Variants in CFAP299 observed in about 807,000 individuals in gnomAD.
The protein encoded by CFAP299 is cilia and flagella associated protein 299.
A neutral mutation model predicts 27.0 loss-of-function variants in CFAP299; 21 were observed. The observed-to-expected ratio is 0.78, with a 90% CI of 0.55 to 1.12. The LOEUF (loss-of-function observed/expected upper bound fraction) is 1.12, where lower values mean the gene tolerates loss of function less well. Ranked by LOEUF, CFAP299 falls within the 50% of genes most tolerant of loss-of-function variation. The pLI is 0.00. For missense variants in CFAP299, 310 were observed against 276.6 expected (o/e 1.12, Z -0.86); for synonymous variants, 104 against 98.1 (o/e 1.06, Z -0.36).
chr4:80,806,137 C>T (rs1009043161), intron 3 of CFAP299, among the ~76,000 whole-genome samples: 1 of 151,938 alleles, frequency 6.6e-6, no homozygotes, highest in African/African-American at 2.4e-5. Context: ...AATATTCATC[C>T]CGATTAATTT....
chr4:80,838,559 G>T (rs1446442695), intron 3 of CFAP299, among the ~76,000 whole-genome samples: 4 of 152,088 alleles, frequency 2.6e-5, no homozygotes, highest in Non-Finnish European at 4.4e-5. Flanking sequence ...GTTTGTCAAA[G>T]ATTAGATGGT....
intron 2 of CFAP299, among the ~76,000 whole-genome samples, chr4:80,426,366 A>T (rs955592074): frequency 6.6e-6 from 1 of 152,130 alleles, no homozygotes; most frequent in East Asian, 1.9e-4. Context: ...GATAGTTTTT[A>T]TATTGGAATA....
chr4:80,609,179 T>TA (rs1029560895), intron 3 of CFAP299, among the ~76,000 whole-genome samples: 1 of 151,968 alleles, frequency 6.6e-6, no homozygotes, highest in African/African-American at 2.4e-5. Flanking sequence ...TAAAATGCTT[T>TA]AAAAAAATAA....
intron 2 of CFAP299, among the ~76,000 whole-genome samples, chr4:80,471,619 C>CG (rs1560582430): frequency 4.0e-5 from 1 of 24,756 alleles, no homozygotes; most frequent in Admixed American, 5.5e-4. Flanking sequence ...AGCAGGGTGG[C>CG]GGGGGGTGGG....
chr4:80,533,238 G>C (rs1733561335), intron 2 of CFAP299, among the ~76,000 whole-genome samples: 1 of 152,188 alleles, frequency 6.6e-6, no homozygotes, highest in Non-Finnish European at 1.5e-5. Flanking sequence ...AATTTCATTT[G>C]CATAATAGTA....
intron 2 of CFAP299, chr4:80,388,787 T>C: frequency 2.2e-6 from 1 of 459,728 alleles, no homozygotes; most frequent in Non-Finnish European, 3.8e-6. Context: ...ATGCTGTTAG[T>C]CATACCTGCA....
At chr4:80,924,225 A>T (rs1468567902) in intron 4 of CFAP299, among the ~76,000 whole-genome samples, 1 of 152,026 alleles carries the variant, frequency 6.6e-6, no homozygotes, top group Non-Finnish European at 1.5e-5. Context: ...GTTCACATTT[A>T]TCCAGAGAAG....
intron 3 of CFAP299, among the ~76,000 whole-genome samples, chr4:80,585,479 T>A (rs959740574): frequency 1.3e-5 from 2 of 152,122 alleles, no homozygotes. Flanking sequence ...AGATCTCACA[T>A]CCATTTGGTC....
chr4:80,651,399 T>C (rs1461474210), intron 3 of CFAP299, among the ~76,000 whole-genome samples: 4 of 149,412 alleles, frequency 2.7e-5, no homozygotes, highest in African/African-American at 5.0e-5. Flanking sequence ...AGAGTCTCTC[T>C]GTGTCACCCA....
At chr4:80,463,603 T>C (rs1055833620) in intron 2 of CFAP299, among the ~76,000 whole-genome samples, 1 of 152,168 alleles carries the variant, frequency 6.6e-6, no homozygotes, top group African/African-American at 2.4e-5. Flanking sequence ...GGTGACACCT[T>C]CTTCCTGGCT....
At chr4:80,606,612 A>T (rs1737692244) in intron 3 of CFAP299, among the ~76,000 whole-genome samples, 1 of 152,204 alleles carries the variant, frequency 6.6e-6, no homozygotes, top group Non-Finnish European at 1.5e-5. Context: ...TTTCTTAAAG[A>T]TATAAACACA....
At chr4:80,436,297 CTT>C (rs781551098) in intron 2 of CFAP299, among the ~76,000 whole-genome samples, 26 of 136,356 alleles carry the variant, frequency 1.9e-4, no homozygotes, top group Admixed American at 1.5e-4. Context: ...TGTGGGATAT[CTT>C]TTTTTTTTTT....
Position 80,387,903 on chromosome 4 carries a change from G to A in CFAP299, c.242+25019G>A, listed in dbSNP as rs1339803566. 31 of 901,962 alleles carry A rather than the reference G, an allele frequency of 3.4e-5. 1 individual carries two copies. Among genetic ancestry groups the A allele is most frequent in the South Asian group, 1.6e-4 (12 of 73,378 alleles). 55.9% of individuals were successfully genotyped at this position (901,962 alleles called of 1,614,324 possible). A position where few individuals can be genotyped will look rare whatever the true frequency, so the allele number is the denominator to read the frequency against. On this transcript the variant is annotated intron_variant, in intron 2 of 5. Transcript: ENST00000358105. Reference sequence around the variant, plus strand: ...AGTCAAAGATGGCCACGGTGCCCCCGGTGGCACTGGTCATGGGGCAGCAGG... The same window carrying A: ...AGTCAAAGATGGCCACGGTGCCCCCAGTGGCACTGGTCATGGGGCAGCAGG...
chr4:80,450,744 C>T (rs1232886602), intron 2 of CFAP299, among the ~76,000 whole-genome samples: 2 of 151,950 alleles, frequency 1.3e-5, no homozygotes, highest in Non-Finnish European at 2.9e-5. Flanking sequence ...ATTTTAAAAA[C>T]TGATGAGTAT....
chr4:80,618,263 G>C (rs903210369), intron 3 of CFAP299, among the ~76,000 whole-genome samples: 6 of 152,068 alleles, frequency 3.9e-5, no homozygotes, highest in African/African-American at 1.4e-4. Context: ...AGAGGTAAGA[G>C]ATACAGTATA....
At chr4:80,648,898 A>G (rs1403371291) in intron 3 of CFAP299, 1 of 152,152 alleles carries the variant, frequency 6.6e-6, no homozygotes, top group East Asian at 1.9e-4. Flanking sequence ...TCTCTATTTT[A>G]GGGTATACAA....
At chr4:80,445,844 G>A (rs561389116) in intron 2 of CFAP299, among the ~76,000 whole-genome samples, 4 of 152,222 alleles carry the variant, frequency 2.6e-5, no homozygotes, top group South Asian at 2.1e-4. Flanking sequence ...TATTGAGATC[G>A]TATGATTTTC....
chr4:80,408,609 T>C (rs148700070), intron 2 of CFAP299, among the ~76,000 whole-genome samples: 1 of 152,212 alleles, frequency 6.6e-6, no homozygotes, highest in African/African-American at 2.4e-5. Flanking sequence ...ACAGTCAGAA[T>C]GTGAAATTAA....
intron 4 of CFAP299, among the ~76,000 whole-genome samples, chr4:80,903,824 T>C (rs1454689402): frequency 6.6e-6 from 1 of 152,132 alleles, no homozygotes; most frequent in Admixed American, 6.6e-5. Context: ...ATGTAACACA[T>C]AGTCTCTCAA....
Sources: allele counts gnomAD v4.1 joint callset (sites outside exome capture counted in the v4.1 genomes callset), GRCh38; gene constraint gnomAD v4.1.1; transcripts MANE v1.5; gene names NCBI Gene and HGNC (gene_info 2026-07-23, HGNC 2026-07-21).